Variants in ANKS1B observed in about 807,000 individuals in gnomAD.
ANKS1B encodes ankyrin repeat and sterile alpha motif domain-containing protein 1B.
ANKS1B carries 36 observed loss-of-function variants against 148.3 expected under a neutral mutation model. That is an observed-to-expected ratio of 0.24 (90% CI 0.19 to 0.32). ANKS1B has a LOEUF of 0.32. Ranked by LOEUF, ANKS1B falls within the 10% of genes least tolerant of loss-of-function variation. The pLI is 1.00. For missense variants in ANKS1B, 1,157 were observed against 1,542.6 expected (o/e 0.75, Z 4.19); for synonymous variants, 542 against 560.8 (o/e 0.97, Z 0.47).
chr12:99,429,410 C>A (rs899427800), intron 11 of ANKS1B, among the ~76,000 whole-genome samples: 10 of 152,104 alleles, frequency 6.6e-5, no homozygotes, highest in Non-Finnish European at 1.3e-4. Context: ...AAATAGCTGA[C>A]CTGTTATATT....
chr12:98,968,612 G>A (rs2153192552), intron 17 of ANKS1B, among the ~76,000 whole-genome samples: 1 of 152,282 alleles, frequency 6.6e-6, no homozygotes, highest in South Asian at 2.1e-4. Context: ...GAGAGGGGAA[G>A]GTATCTAACC....
chr12:99,648,934 G>A lies in ANKS1B; in HGVS notation c.1272+6133C>T, dbSNP rs142642229. 4,104 of 1,183,774 alleles carry A rather than the reference G, an allele frequency of 3.5e-3. 111 individuals are homozygous for A. In the African/African-American group the frequency reaches 0.057, roughly 16 times the overall value. 73.3% of individuals were successfully genotyped at this position (1,183,774 alleles called of 1,614,324 possible). On this transcript the variant is annotated intron_variant, in intron 9 of 26. Coordinates refer to ENST00000683438, the MANE Select transcript of ANKS1B (RefSeq NM_001352186.2). ...AGGCCAAATGAGCTTCCATTTGGAG[G>A]CCATGGTACATTGAGGAGGTTCCTA...
chr12:99,482,528 A>C (rs1031809460), intron 10 of ANKS1B, among the ~76,000 whole-genome samples: 1 of 152,018 alleles, frequency 6.6e-6, no homozygotes, highest in Non-Finnish European at 1.5e-5. Context: ...TTGTGGTTCC[A>C]TATGAATTTT....
At chr12:99,239,264 G>A (rs1157979360) in intron 14 of ANKS1B, among the ~76,000 whole-genome samples, 1 of 152,198 alleles carries the variant, frequency 6.6e-6, no homozygotes, top group African/African-American at 2.4e-5. Context: ...AGAACCTCAT[G>A]ATGCATGCAC....
intron 10 of ANKS1B, among the ~76,000 whole-genome samples, chr12:99,494,376 T>C (rs1267123951): frequency 1.3e-5 from 2 of 152,146 alleles, no homozygotes; most frequent in African/African-American, 4.8e-5. Flanking sequence ...ATTTATTGTT[T>C]AGTTGTTTTT....
intron 9 of ANKS1B, among the ~76,000 whole-genome samples, chr12:99,645,342 G>A (rs1466947699): frequency 2.6e-5 from 4 of 152,160 alleles, no homozygotes; most frequent in African/African-American, 4.8e-5. Context: ...ACAATTCCCA[G>A]AGCAGTTATA....
intron 8 of ANKS1B, among the ~76,000 whole-genome samples, chr12:99,692,316 G>A (rs1346096655): frequency 6.6e-6 from 1 of 152,124 alleles, no homozygotes; most frequent in African/African-American, 2.4e-5. Flanking sequence ...TGGTCAGATA[G>A]CGGTCATATT....
chr12:98,911,227 A>T (rs1170876633), intron 17 of ANKS1B, among the ~76,000 whole-genome samples: 2 of 152,142 alleles, frequency 1.3e-5, no homozygotes, highest in Non-Finnish European at 2.9e-5. Context: ...AAAAAAATGG[A>T]TTTATGCCTC....
intron 12 of ANKS1B, among the ~76,000 whole-genome samples, chr12:99,379,896 C>T (rs1210273930): frequency 6.6e-6 from 1 of 152,174 alleles, no homozygotes; most frequent in African/African-American, 2.4e-5. Context: ...GTATGAATTT[C>T]ATACCATCAA....
intron 12 of ANKS1B, among the ~76,000 whole-genome samples, chr12:99,302,972 A>C (rs116012537): frequency 0.01 from 1,558 of 152,286 alleles, 30 homozygotes; most frequent in African/African-American, 0.036. Flanking sequence ...TATGTTCTTT[A>C]GGCTAATTGA....
chr12:99,984,301 C>A lies in ANKS1B; in HGVS notation c.-64G>T. On this transcript the variant is annotated 5_prime_UTR_variant, in exon 1 of 27. Coordinates refer to ENST00000683438, the MANE Select transcript of ANKS1B (RefSeq NM_001352186.2). ...TCGGGTCCTCCTCCCCACCCACCCCCACTCCCCAAAATCCAGGGCCCTCTT... is the reference window on the plus strand; with the variant it reads ...TCGGGTCCTCCTCCCCACCCACCCCAACTCCCCAAAATCCAGGGCCCTCTT... The A allele has an allele frequency of 7.4e-6, 11 of 1,486,350 alleles. No individual in the cohort carries two copies. Among genetic ancestry groups the A allele is most frequent in the Non-Finnish European group, 1.0e-5 (11 of 1,104,934 alleles). The allele number at this position is 1,486,350 out of a possible 1,614,324, so 92.1% of individuals were successfully genotyped here. A position where few individuals can be genotyped will look rare whatever the true frequency, so the allele number is the denominator to read the frequency against.
intron 26 of ANKS1B, among the ~76,000 whole-genome samples, chr12:98,748,641 T>C (rs1285361983): frequency 6.6e-6 from 1 of 152,214 alleles, no homozygotes; most frequent in Non-Finnish European, 1.5e-5. Context: ...TCACTGAATA[T>C]TTCTTACCAA....
At chr12:99,177,764 A>C (rs1014950871) in intron 14 of ANKS1B, among the ~76,000 whole-genome samples, 4 of 152,220 alleles carry the variant, frequency 2.6e-5, no homozygotes, top group African/African-American at 9.6e-5. Flanking sequence ...GACTTGTTCT[A>C]GCATCAGATT....
chr12:99,505,733 A>G (rs534625593), intron 9 of ANKS1B, among the ~76,000 whole-genome samples: 1 of 151,402 alleles, frequency 6.6e-6, no homozygotes, highest in South Asian at 2.1e-4. Flanking sequence ...TCTGCTGGAG[A>G]AGACTGTGAA....
chr12:98,878,434 T>C (rs2099697423), intron 17 of ANKS1B, among the ~76,000 whole-genome samples: 1 of 151,908 alleles, frequency 6.6e-6, no homozygotes, highest in Non-Finnish European at 1.5e-5. Context: ...TCTGAAAAAG[T>C]CAATACGGGG....
intron 9 of ANKS1B, among the ~76,000 whole-genome samples, chr12:99,533,470 TATC>T (rs1026258264): frequency 3.3e-5 from 5 of 152,296 alleles, no homozygotes; most frequent in African/African-American, 1.2e-4. Context: ...TATAAGATCA[TATC>T]ATCAGCAAAA....
intron 17 of ANKS1B, among the ~76,000 whole-genome samples, chr12:98,878,276 T>C (rs983912751): frequency 2.0e-5 from 3 of 151,814 alleles, no homozygotes; most frequent in African/African-American, 4.8e-5. Flanking sequence ...TTTTGTCCTT[T>C]TGAACACTTA....
At chr12:99,349,046 G>C (rs933659962) in intron 12 of ANKS1B, among the ~76,000 whole-genome samples, 1 of 151,830 alleles carries the variant, frequency 6.6e-6, no homozygotes, top group Non-Finnish European at 1.5e-5. Context: ...ACAAACACAT[G>C]GGAGAGACCT....
chr12:99,337,516 T>C (rs1185476918), intron 12 of ANKS1B, among the ~76,000 whole-genome samples: 1 of 152,134 alleles, frequency 6.6e-6, no homozygotes, highest in Admixed American at 6.6e-5. Flanking sequence ...TTAGTTCATT[T>C]GGTCAGGTAA....
Sources: allele counts gnomAD v4.1 joint callset (sites outside exome capture counted in the v4.1 genomes callset), GRCh38; gene constraint gnomAD v4.1.1; transcripts MANE v1.5; gene names NCBI Gene and HGNC (gene_info 2026-07-23, HGNC 2026-07-21).